PPP2R2B: variants seen among roughly 807,000 people sequenced by gnomAD.
PPP2R2B encodes protein phosphatase 2 regulatory subunit Bbeta.
A neutral mutation model predicts 46.0 loss-of-function variants in PPP2R2B; 5 were observed. The observed-to-expected ratio is 0.11, with a 90% CI of 0.06 to 0.23. The LOEUF (loss-of-function observed/expected upper bound fraction) is 0.23. PPP2R2B is among the 10% of genes least tolerant of loss of function. The pLI is 1.00. For synonymous variants in PPP2R2B, 215 were observed against 206.7 expected (o/e 1.04, Z -0.34); for missense variants, 367 against 575.0 (o/e 0.64, Z 3.70).
chr5:147,056,666 TGAGA>T (rs200190167), upstream of PPP2R2B, among the ~76,000 whole-genome samples: 1 of 151,286 alleles, frequency 6.6e-6, no homozygotes, highest in South Asian at 2.1e-4. Context: ...AGATTTCAAA[TGAGA>T]GAGAGAGAGA....
chr5:147,023,639 T>C (rs1755390034), intron 1 of PPP2R2B, among the ~76,000 whole-genome samples: 3 of 152,156 alleles, frequency 2.0e-5, no homozygotes, highest in Admixed American at 6.6e-5. Context: ...GGACAATTCA[T>C]ACTAACTGAT....
intron 1 of PPP2R2B, among the ~76,000 whole-genome samples, chr5:146,961,223 G>A (rs925286998): frequency 9.9e-5 from 15 of 152,102 alleles, no homozygotes; most frequent in Admixed American, 6.5e-5. Flanking sequence ...AAATTGTCCC[G>A]ATAACAGCAA....
At chr5:146,996,261 G>A (rs1418604873) in intron 1 of PPP2R2B, among the ~76,000 whole-genome samples, 1 of 152,142 alleles carries the variant, frequency 6.6e-6, no homozygotes, top group Non-Finnish European at 1.5e-5. Context: ...GACAATTTGG[G>A]CTTTGCTTTA....
At position 146,832,558 on chromosome 5, in the gene PPP2R2B, G is replaced by GT. The variant is rs1433289559; in HGVS notation, c.70+45443dup. Among the ~76,000 whole-genome samples the GT allele has an allele frequency of 4.6e-5, 7 of 151,162 alleles. No individual in the cohort carries two copies. The East Asian group carries it at 1.2e-3, about 25-fold the overall frequency. ...AGGTGCCTGCCACCACACCCAGCTA[G>GT]TTTTTTTGTATTTTTAGTAGAGACA... On this transcript the variant is annotated intron_variant, in intron 2 of 9. Transcript: ENST00000394411.
chr5:146,807,101 C>T (rs1757223193), intron 2 of PPP2R2B, among the ~76,000 whole-genome samples: 1 of 152,202 alleles, frequency 6.6e-6, no homozygotes, highest in Non-Finnish European at 1.5e-5. Context: ...TTGGCCTCCA[C>T]CCAGACCAAC....
rs184233521 is a variant in PPP2R2B at position 146,617,726 on chromosome 5, G to T, written c.791-17266C>A. The stretch of plus-strand genomic sequence containing the variant: ...TTTTTTTTTTTTGAAGCAGAGTCTC[G>T]CTCTGTCACCGAGGCTGGAGTGCAG... On this transcript the variant is annotated intron_variant, in intron 7 of 9. Transcript: ENST00000394411. Among the ~76,000 whole-genome samples, 3 of 145,200 alleles carry T rather than the reference G, an allele frequency of 2.1e-5. No homozygotes were observed. In the Admixed American group the frequency reaches 2.1e-4, roughly 10 times the overall value.
intron 1 of PPP2R2B, among the ~76,000 whole-genome samples, chr5:146,973,723 G>A (rs945337334): frequency 4.6e-5 from 7 of 152,168 alleles, no homozygotes; most frequent in Admixed American, 2.0e-4. Context: ...TGACAACAGA[G>A]GTAAGTGGTA....
intron 2 of PPP2R2B, among the ~76,000 whole-genome samples, chr5:146,800,124 T>C (rs963096548): frequency 2.0e-5 from 3 of 152,140 alleles, no homozygotes; most frequent in African/African-American, 7.2e-5. Context: ...AGAAATAATA[T>C]GGATTTTTAT....
At chr5:146,982,553 G>C (rs1038494624) in intron 1 of PPP2R2B, among the ~76,000 whole-genome samples, 1 of 152,070 alleles carries the variant, frequency 6.6e-6, no homozygotes, top group Non-Finnish European at 1.5e-5. Context: ...AGATCCTGTC[G>C]GTTGATGGTA....
At chr5:147,021,549 C>T (rs1336895810) in intron 1 of PPP2R2B, among the ~76,000 whole-genome samples, 1 of 152,176 alleles carries the variant, frequency 6.6e-6, no homozygotes, top group Non-Finnish European at 1.5e-5. Context: ...CCACCCCAAA[C>T]TGAGAGAGCT....
intron 1 of PPP2R2B, among the ~76,000 whole-genome samples, chr5:146,998,239 G>GAGGTA (rs1754009088): frequency 6.6e-6 from 1 of 152,250 alleles, no homozygotes; most frequent in Non-Finnish European, 1.5e-5. Flanking sequence ...GAAGAGAAGT[G>GAGGTA]AGGTAAACCT....
intron 1 of PPP2R2B, among the ~76,000 whole-genome samples, chr5:147,018,727 T>C (rs1413726181): frequency 6.6e-6 from 1 of 152,142 alleles, no homozygotes; most frequent in Admixed American, 6.6e-5. Flanking sequence ...GAACAAGGGT[T>C]ATGGACTGAA....
At chr5:147,049,972 T>G (rs1276589371) in intron 1 of PPP2R2B, among the ~76,000 whole-genome samples, 1 of 151,988 alleles carries the variant, frequency 6.6e-6, no homozygotes, top group Non-Finnish European at 1.5e-5. Context: ...GTGTTTAAAA[T>G]GAGATGATTT....
At chr5:146,856,024 T>C (rs1417427404) in intron 2 of PPP2R2B, among the ~76,000 whole-genome samples, 3 of 152,254 alleles carry the variant, frequency 2.0e-5, no homozygotes, top group African/African-American at 4.8e-5. Flanking sequence ...TTATTCTTCG[T>C]TATATTCAAA....
chr5:146,888,515 C>G (rs1401888488), intron 1 of PPP2R2B, among the ~76,000 whole-genome samples: 2 of 152,196 alleles, frequency 1.3e-5, no homozygotes, highest in Non-Finnish European at 2.9e-5. Context: ...TCACCCCCAA[C>G]CCCTACAGAG....
chr5:146,998,065 G>A (rs1754001820), intron 1 of PPP2R2B, among the ~76,000 whole-genome samples: 1 of 152,130 alleles, frequency 6.6e-6, no homozygotes, highest in South Asian at 2.1e-4. Flanking sequence ...AGGGCTCCAG[G>A]CAAGGCTCAT....
intron 2 of PPP2R2B, among the ~76,000 whole-genome samples, chr5:147,067,559 AT>A (rs1474454157): frequency 6.6e-6 from 1 of 152,166 alleles, no homozygotes; most frequent in African/African-American, 2.4e-5. Flanking sequence ...AGAGACTCTA[AT>A]CCCTTAATGC....
intron 8 of PPP2R2B, among the ~76,000 whole-genome samples, chr5:146,599,225 C>A (rs1318350224): frequency 6.6e-6 from 1 of 152,162 alleles, no homozygotes; most frequent in African/African-American, 2.4e-5. Context: ...TGCATTTACA[C>A]CATCCACCCA....
At chr5:146,927,977 T>A (rs747842442) in intron 1 of PPP2R2B, among the ~76,000 whole-genome samples, 1 of 152,068 alleles carries the variant, frequency 6.6e-6, no homozygotes, top group South Asian at 2.1e-4. Context: ...CCTGACCTCG[T>A]GATCCACCCG....
Sources: gnomAD v4.1 joint callset for allele counts (sites outside exome capture counted in the v4.1 genomes callset) on GRCh38, gnomAD v4.1.1 for gene constraint, MANE v1.5 for transcripts, NCBI Gene and HGNC (gene_info 2026-07-23, HGNC 2026-07-21) for gene names.